HSDL2: variants seen among roughly 807,000 people sequenced by gnomAD.
HSDL2 encodes the protein hydroxysteroid dehydrogenase like 2.
HSDL2 carries 27 observed loss-of-function variants against 46.3 expected under a neutral mutation model. The observed-to-expected ratio is 0.58, with a 90% CI of 0.43 to 0.80. The LOEUF (loss-of-function observed/expected upper bound fraction) is 0.80. Ranked by LOEUF, HSDL2 falls within the 30% of genes least tolerant of loss-of-function variation. HSDL2 has a pLI of 0.00. For synonymous variants in HSDL2, 153 were observed against 163.6 expected (o/e 0.94, Z 0.50); for missense variants, 451 against 502.7 (o/e 0.90, Z 0.98).
chr9:112,458,418 A>C (rs6477934), intron 9 of HSDL2, among the ~76,000 whole-genome samples: 144,111 of 150,780 alleles, frequency 0.96, 68,928 homozygotes, highest in African/African-American at 0.98. Context: ...CTCTGCCCCC[A>C]AGGTTCAAAC....
intron 1 of HSDL2, among the ~76,000 whole-genome samples, chr9:112,393,759 C>G (rs6477928): frequency 0.45 from 69,090 of 152,000 alleles, 15,927 homozygotes; most frequent in Middle Eastern, 0.5. Context: ...TTCTTGAGCT[C>G]GAACCAACAT....
At chr9:112,442,193 C>T (rs770000847) in intron 8 of HSDL2, among the ~76,000 whole-genome samples, 2 of 145,708 alleles carry the variant, frequency 1.4e-5, no homozygotes, top group African/African-American at 2.5e-5. Flanking sequence ...CACCTGATCC[C>T]GGGAAGTTGA....
Position 112,382,640 on chromosome 9 carries a change from G to A in HSDL2, c.17+2460G>A, listed in dbSNP as rs75098830. 5.6e-3 allele frequency among the ~76,000 whole-genome samples: 859 copies of A among 152,218 alleles called. 51 individuals carry two copies. The East Asian group carries it at 0.14, about 25-fold the overall frequency. ...ACATCCTACAATTCACAAGCATTCC[G>A]TACAACAAAGAATTATGTAGTCCAA... On this transcript the variant is annotated intron_variant, in intron 1 of 10. Coordinates refer to ENST00000398805, the MANE Select transcript of HSDL2 (RefSeq NM_032303.5).
chr9:112,384,269 A>G (rs992345880), intron 1 of HSDL2, among the ~76,000 whole-genome samples: 8 of 148,584 alleles, frequency 5.4e-5, no homozygotes, highest in African/African-American at 2.1e-4. Context: ...AGTTTTAGCC[A>G]TCTATCAATA....
chr9:112,397,718 T>C (rs1831489350), intron 1 of HSDL2, among the ~76,000 whole-genome samples: 2 of 152,122 alleles, frequency 1.3e-5, no homozygotes, highest in African/African-American at 4.8e-5. Context: ...AGGTACGGAA[T>C]TGTAAATGCT....
Position 112,390,191 on chromosome 9 carries a change from T to C in HSDL2, c.17+10011T>C, listed in dbSNP as rs1165666324. Reference sequence around the variant, plus strand: ...GAAGAATAAATTGGAATCATTTGCCTTATCAGTTATTAAGACTGATAAAGC... The same window carrying C: ...GAAGAATAAATTGGAATCATTTGCCCTATCAGTTATTAAGACTGATAAAGC... On this transcript the variant is annotated intron_variant, in intron 1 of 10. Coordinates refer to ENST00000398805, the MANE Select transcript of HSDL2 (RefSeq NM_032303.5). 5.9e-5 allele frequency among the ~76,000 whole-genome samples: 9 copies of C among 152,216 alleles called. No homozygotes were observed. The East Asian group carries it at 1.5e-3, about 26-fold the overall frequency.
chr9:112,406,241 G>T (rs1001013495), intron 3 of HSDL2, among the ~76,000 whole-genome samples: 11 of 151,996 alleles, frequency 7.2e-5, no homozygotes, highest in Non-Finnish European at 8.8e-5. Flanking sequence ...TGCAAGGGGG[G>T]TAGATGAAGA....
At chr9:112,426,733 G>T (rs1477972313) in intron 6 of HSDL2, among the ~76,000 whole-genome samples, 3 of 152,138 alleles carry the variant, frequency 2.0e-5, no homozygotes, top group Non-Finnish European at 4.4e-5. Flanking sequence ...AAATAATTAA[G>T]TTTCTGTATT....
At chr9:112,461,367 C>T (rs562362065) in intron 10 of HSDL2, among the ~76,000 whole-genome samples, 55 of 152,314 alleles carry the variant, frequency 3.6e-4, no homozygotes, top group Admixed American at 1.1e-3. Context: ...ATGTGAGCCA[C>T]CGCGCCCGGC....
At chr9:112,416,180 C>T (rs1831987090) in intron 4 of HSDL2, among the ~76,000 whole-genome samples, 1 of 150,480 alleles carries the variant, frequency 6.6e-6, no homozygotes, top group South Asian at 2.1e-4. Flanking sequence ...GAGGCTGAGG[C>T]GGGTAGATCG....
chr9:112,439,750 A>G (rs1832600620), intron 7 of HSDL2, among the ~76,000 whole-genome samples: 1 of 152,264 alleles, frequency 6.6e-6, no homozygotes, highest in African/African-American at 2.4e-5. Context: ...CTGCATAACA[A>G]TTCTGTACGG....
chr9:112,444,680 A>G (rs987527426), intron 8 of HSDL2, among the ~76,000 whole-genome samples: 2 of 151,444 alleles, frequency 1.3e-5, no homozygotes, highest in South Asian at 2.1e-4. Flanking sequence ...TGAGGTTGTA[A>G]TGAGCTATGA....
intron 1 of HSDL2, among the ~76,000 whole-genome samples, chr9:112,397,328 G>C (rs1331631202): frequency 6.6e-6 from 1 of 152,148 alleles, no homozygotes; most frequent in Non-Finnish European, 1.5e-5. Flanking sequence ...TTTTGTCATT[G>C]GATGGCATGC....
intron 1 of HSDL2, among the ~76,000 whole-genome samples, chr9:112,396,264 T>C (rs1286396425): frequency 6.6e-6 from 1 of 152,170 alleles, no homozygotes; most frequent in Non-Finnish European, 1.5e-5. Context: ...CTGGTGAACT[T>C]CATCAGCTTT....
chr9:112,406,238 G>C (rs528334470), intron 3 of HSDL2, among the ~76,000 whole-genome samples: 8 of 152,064 alleles, frequency 5.3e-5, no homozygotes, highest in East Asian at 1.9e-4. Flanking sequence ...GGATGCAAGG[G>C]GGGTAGATGA....
At chr9:112,395,333 G>A (rs981814993) in intron 1 of HSDL2, among the ~76,000 whole-genome samples, 2 of 152,172 alleles carry the variant, frequency 1.3e-5, no homozygotes, top group Admixed American at 1.3e-4. Context: ...GTATGCATAC[G>A]AAGTTTAAGT....
chr9:112,399,305 G>C (rs542057971), intron 1 of HSDL2, among the ~76,000 whole-genome samples: 2 of 152,282 alleles, frequency 1.3e-5, no homozygotes, highest in African/African-American at 4.8e-5. Context: ...TGTAAGAACA[G>C]GGAGTAGGTA....
At chr9:112,426,184 C>T (rs1373592296) in intron 6 of HSDL2, among the ~76,000 whole-genome samples, 3 of 150,572 alleles carry the variant, frequency 2.0e-5, no homozygotes, top group African/African-American at 7.3e-5. Flanking sequence ...GCAGTTTGCT[C>T]TTCTTTTAAG....
chr9:112,421,986 C>T (rs1331023737), intron 6 of HSDL2, among the ~76,000 whole-genome samples: 1 of 152,142 alleles, frequency 6.6e-6, no homozygotes, highest in Non-Finnish European at 1.5e-5. Flanking sequence ...AGAACAGATA[C>T]TCAGAAGGGC....
Sources: gnomAD v4.1 joint callset for allele counts (sites outside exome capture counted in the v4.1 genomes callset) on GRCh38, gnomAD v4.1.1 for gene constraint, MANE v1.5 for transcripts, NCBI Gene and HGNC (gene_info 2026-07-23, HGNC 2026-07-21) for gene names.